Variants in KDM4B observed in about 807,000 individuals in gnomAD.
KDM4B encodes lysine demethylase 4B.
In KDM4B, 32 loss-of-function variants were observed where a neutral mutation model predicts 125.2. The ratio of observed to expected loss-of-function variants is 0.26; its 90% CI spans 0.19 to 0.34. The LOEUF (loss-of-function observed/expected upper bound fraction) is 0.34. KDM4B is among the 10% of genes least tolerant of loss of function. KDM4B has a pLI of 1.00. For synonymous variants in KDM4B, 721 were observed against 677.9 expected (o/e 1.06, Z -0.99); for missense variants, 1,190 against 1,577.7 (o/e 0.75, Z 4.16).
intron 1 of KDM4B, among the ~76,000 whole-genome samples, chr19:4,972,820 T>TA (rs2034307316): frequency 6.6e-6 from 1 of 152,218 alleles, no homozygotes; most frequent in South Asian, 2.1e-4. Context: ...TGACTGTCCT[T>TA]CTGCCCTTCC....
intron 14 of KDM4B, among the ~76,000 whole-genome samples, chr19:5,134,506 C>T (rs1599253556): frequency 6.6e-6 from 1 of 152,196 alleles, no homozygotes; most frequent in African/African-American, 2.4e-5. Flanking sequence ...ATGCTGGCCT[C>T]GCCTGTCCTC....
intron 7 of KDM4B, among the ~76,000 whole-genome samples, chr19:5,072,672 T>C (rs2037984863): frequency 6.6e-6 from 1 of 152,224 alleles, no homozygotes; most frequent in South Asian, 2.1e-4. Context: ...CATGTTGTAT[T>C]AGCATCCTGA....
intron 10 of KDM4B, among the ~76,000 whole-genome samples, chr19:5,118,838 A>G (rs1164200789): frequency 6.6e-6 from 1 of 152,144 alleles, no homozygotes; most frequent in Non-Finnish European, 1.5e-5. Context: ...GTACCCCAGG[A>G]TTGTGGGTGT....
intron 5 of KDM4B, among the ~76,000 whole-genome samples, chr19:5,043,534 G>A (rs1385688658): frequency 7.0e-6 from 1 of 143,512 alleles, no homozygotes; most frequent in African/African-American, 2.7e-5. Flanking sequence ...CATATCCTAC[G>A]TGGTGTTTAT....
intron 3 of KDM4B, 113 bp from the exon 4 acceptor site, chr19:5,039,723 C>T (rs373875176): frequency 7.5e-5 from 92 of 1,224,448 alleles, no homozygotes; most frequent in East Asian, 7.1e-4. Context: ...GGGGGTGTCC[C>T]GAGGTGCAGA....
At chr19:4,975,181 A>G (rs2079625606) in intron 1 of KDM4B, among the ~76,000 whole-genome samples, 1 of 152,090 alleles carries the variant, frequency 6.6e-6, no homozygotes. Flanking sequence ...CGGAGAATAA[A>G]TATTTTTGGC....
chr19:5,135,871 C>G (rs559305576), intron 15 of KDM4B, among the ~76,000 whole-genome samples: 15 of 152,242 alleles, frequency 9.9e-5, no homozygotes, highest in Non-Finnish European at 1.8e-4. Context: ...GATGCCAGTG[C>G]AGGCCCAGGT....
At position 5,032,032 on chromosome 19, in the gene KDM4B, C is replaced by T. The variant is rs1488300724; in HGVS notation, c.-25-834C>T. On this transcript the variant is annotated intron_variant, in intron 2 of 22. Coordinates refer to ENST00000159111, the MANE Select transcript of KDM4B (RefSeq NM_015015.3). ...CGTCTTTCTGCCTTTGGAGATTGAA[C>T]CTGCCAAGGAGGACCCTTCCCCAGA... 2.0e-5 allele frequency among the ~76,000 whole-genome samples: 3 copies of T among 152,208 alleles called. No homozygotes were observed. In the East Asian group the frequency reaches 5.8e-4, roughly 29 times the overall value.
chr19:5,049,092 G>A (rs1360373058), intron 6 of KDM4B, among the ~76,000 whole-genome samples: 1 of 152,156 alleles, frequency 6.6e-6, no homozygotes, highest in Non-Finnish European at 1.5e-5. Context: ...CCAGGGCCGG[G>A]GGTGCCTGCT....
intron 5 of KDM4B, among the ~76,000 whole-genome samples, chr19:5,043,543 A>C (rs2036905806): frequency 7.1e-6 from 1 of 140,580 alleles, no homozygotes; most frequent in African/African-American, 2.8e-5. Context: ...CGTGGTGTTT[A>C]TCGGAGTGGG....
chr19:4,974,738 C>CG (rs1555684336), intron 1 of KDM4B, among the ~76,000 whole-genome samples: 1 of 69,386 alleles, frequency 1.4e-5, no homozygotes, highest in African/African-American at 4.3e-5. Flanking sequence ...ACTCTGTCTC[C>CG]AAAAAAAAAA....
At chr19:4,972,303 G>C (rs2034288161) in intron 1 of KDM4B, among the ~76,000 whole-genome samples, 1 of 127,934 alleles carries the variant, frequency 7.8e-6, no homozygotes, top group South Asian at 2.7e-4. Context: ...TCTGGGCCTT[G>C]CTTTCTTCTC....
chr19:5,026,421 G>A (rs568824625), intron 2 of KDM4B, among the ~76,000 whole-genome samples: 1 of 152,116 alleles, frequency 6.6e-6, no homozygotes, highest in Admixed American at 6.5e-5. Flanking sequence ...GAGCTCAATC[G>A]AGTGTCCCAC....
At chr19:4,983,079 A>T (rs536120938) in intron 1 of KDM4B, among the ~76,000 whole-genome samples, 1 of 151,752 alleles carries the variant, frequency 6.6e-6, no homozygotes, top group South Asian at 2.1e-4. Flanking sequence ...TCATTTCAGC[A>T]TGTAATCATC....
chr19:5,151,444 G>T lies in KDM4B; in HGVS notation c.3224G>T (p.Ser1075Ile). 1 of 1,551,070 alleles carries T rather than the reference G, an allele frequency of 6.4e-7. No individual in the cohort carries two copies. ...TPLATEDSGR[S>I]QDYVAFVESL... ...CTTGCCACGGAGGACTCCGGGCGGA[G>T]CCAGGACTACGTGGCCTTCGTGGAG... The change falls in exon 23 of 23, where the codon AGC becomes ATC. Residue 1075 changes from serine (S) to isoleucine (I), a missense_variant. Ser to Ile is a moderately radical substitution (Grantham distance 142). Coordinates refer to ENST00000159111, the MANE Select transcript of KDM4B (RefSeq NM_015015.3).
chr19:5,006,447 C>A (rs578237917), intron 1 of KDM4B, among the ~76,000 whole-genome samples: 1 of 152,132 alleles, frequency 6.6e-6, no homozygotes, highest in Non-Finnish European at 1.5e-5. Context: ...GGGGTTTTAT[C>A]TCCCTGGCAA....
In KDM4B at chr19:5,082,098, GGCAGGGGCT is replaced by G. The variant is rs1472480685; in HGVS notation, c.781-266_781-258del. Among the ~76,000 whole-genome samples the G allele has an allele frequency of 1.3e-5, 2 of 152,238 alleles. No homozygotes were observed. Among genetic ancestry groups the G allele is most frequent in the African/African-American group, 4.8e-5 (2 of 41,466 alleles). ...GATGCTGACGGCCGCCTTGGGGCAG[GGCAGGGGCT>G]GCTGGGGCTGGAGGGGCCCGGCTGA... On this transcript the variant is annotated intron_variant, in intron 8 of 22. Coordinates refer to ENST00000159111, the MANE Select transcript of KDM4B (RefSeq NM_015015.3). This position sits in a 1 kb window ranked among gnomAD's most constrained non-coding sequence, Gnocchi z 5.4.
intron 6 of KDM4B, among the ~76,000 whole-genome samples, chr19:5,060,372 G>T (rs2037547639): frequency 6.8e-6 from 1 of 147,380 alleles, no homozygotes; most frequent in Non-Finnish European, 1.5e-5. Flanking sequence ...CCGGGAGGTG[G>T]AGGTTGCAGT....
At chr19:5,130,403 A>G (rs1358822023) in intron 11 of KDM4B, among the ~76,000 whole-genome samples, 2 of 151,792 alleles carry the variant, frequency 1.3e-5, no homozygotes, top group African/African-American at 4.8e-5. Context: ...CAAACACATG[A>G]GTCAACTGTC....
Sources: allele counts gnomAD v4.1 joint callset (sites outside exome capture counted in the v4.1 genomes callset), GRCh38; gene constraint gnomAD v4.1.1; non-coding constraint Gnocchi (gnomAD v3.1); transcripts MANE v1.5; gene names NCBI Gene and HGNC (gene_info 2026-07-23, HGNC 2026-07-21).